Variants in FILIP1 observed in about 807,000 individuals in gnomAD.
FILIP1 encodes filamin-A-interacting protein 1.
In FILIP1, 61 loss-of-function variants were observed where a neutral mutation model predicts 102.1. The observed-to-expected ratio is 0.60, with a 90% CI of 0.49 to 0.74. FILIP1 has a LOEUF of 0.74. FILIP1 is among the 30% of genes least tolerant of loss of function. FILIP1 has a pLI of 0.00. For synonymous variants in FILIP1, 491 were observed against 526.9 expected, an observed-to-expected ratio of 0.93 and a Z score of 0.93; for missense variants, 1,314 against 1,441.2, an observed-to-expected ratio of 0.91 and a Z score of 1.43.
At chr6:75,427,743 G>A (rs537970347) in intron 1 of FILIP1, among the ~76,000 whole-genome samples, 40 of 152,150 alleles carry the variant, frequency 2.6e-4, no homozygotes, top group African/African-American at 8.9e-4. Context: ...TTCTGCTTTT[G>A]AAGAGGCCTC....
At chr6:75,483,886 G>C (rs148971089) in intron 1 of FILIP1, among the ~76,000 whole-genome samples, 1 of 152,112 alleles carries the variant, frequency 6.6e-6, no homozygotes, top group South Asian at 2.1e-4. Context: ...CTGGGGGCTG[G>C]GGGGAGATGA....
At chr6:75,321,950 G>A (rs1473040574) in intron 4 of FILIP1, among the ~76,000 whole-genome samples, 1 of 152,168 alleles carries the variant, frequency 6.6e-6, no homozygotes, top group Non-Finnish European at 1.5e-5. Flanking sequence ...TGTGCAGAGA[G>A]AGAAGAGGAG....
At chr6:75,364,018 GTCTT>G (rs1402538129) in intron 2 of FILIP1, among the ~76,000 whole-genome samples, 5 of 152,154 alleles carry the variant, frequency 3.3e-5, no homozygotes, top group African/African-American at 1.2e-4. Context: ...TATAAAGTTT[GTCTT>G]TCTTGAGGTT....
At chr6:75,408,104 G>C (rs552065532) in intron 2 of FILIP1, among the ~76,000 whole-genome samples, 1 of 152,160 alleles carries the variant, frequency 6.6e-6, no homozygotes, top group Non-Finnish European at 1.5e-5. Context: ...TTTAAACTGG[G>C]AAATATGTAA....
intron 6 of FILIP1, among the ~76,000 whole-genome samples, chr6:75,299,048 G>A (rs1162888862): frequency 4.6e-5 from 7 of 151,568 alleles, no homozygotes; most frequent in Admixed American, 4.6e-4. Context: ...TTAGTGCTTT[G>A]GGGATTAATG....
chr6:75,315,333 A>AAATT, intron 4 of FILIP1, 131 bp from the exon 5 acceptor site: 1 of 608,950 alleles, frequency 1.6e-6, no homozygotes, highest in Non-Finnish European at 2.6e-6. Flanking sequence ...ATGTTTAAAG[A>AAATT]ATAGCCATTA....
Position 75,312,860 on chromosome 6 carries a change from G to A in FILIP1, c.2972C>T (p.Thr991Ile), listed in dbSNP as rs377504805. Residue 991 changes from threonine (T) to isoleucine (I), a missense_variant, in exon 5 of 6, where the codon ACT becomes ATT. Thr to Ile is a moderately conservative substitution (Grantham distance 89, BLOSUM62 -1). This residue lies in a region of FILIP1 where 816 missense variants were observed against 913.1 expected (regional missense o/e 0.89). Transcript: ENST00000237172. ...AAATGCGCCTCTTCCACTTTCTGGA[G>A]TCTTCTCTCTGGAAAATGTAGTAAT... Reference protein sequence around the residue: ...VTITTFSREKTPESGRGAFAD... With the variant: ...VTITTFSREKIPESGRGAFAD... 8 of 1,614,184 alleles carry A rather than the reference G, an allele frequency of 5.0e-6. No individual in the cohort carries two copies. The highest frequency in any genetic ancestry group is 6.8e-6 in the Non-Finnish European group (8 of 1,180,044).
chr6:75,465,968 C>G (rs574535961), intron 1 of FILIP1, among the ~76,000 whole-genome samples: 1 of 152,160 alleles, frequency 6.6e-6, no homozygotes, highest in Admixed American at 6.6e-5. Flanking sequence ...CGCCAGCCAT[C>G]GCGCTGTTCC....
At chr6:75,368,594 G>C (rs1164193154) in intron 2 of FILIP1, among the ~76,000 whole-genome samples, 1 of 152,170 alleles carries the variant, frequency 6.6e-6, no homozygotes, top group Non-Finnish European at 1.5e-5. Flanking sequence ...CGCTTAACTT[G>C]AATCTGAGCT....
intron 2 of FILIP1, among the ~76,000 whole-genome samples, chr6:75,400,490 A>C (rs2149670749): frequency 6.6e-6 from 1 of 152,308 alleles, no homozygotes; most frequent in East Asian, 1.9e-4. Flanking sequence ...GTGAGGCTAT[A>C]GGTACCTGAA....
At chr6:75,347,666 G>T (rs973700427) in intron 4 of FILIP1, among the ~76,000 whole-genome samples, 1 of 143,650 alleles carries the variant, frequency 7.0e-6, no homozygotes, top group Admixed American at 7.1e-5. Flanking sequence ...TATTTCCAAA[G>T]ATCCCAGTCC....
intron 5 of FILIP1, among the ~76,000 whole-genome samples, chr6:75,311,284 G>A (rs1773174506): frequency 6.6e-6 from 1 of 151,866 alleles, no homozygotes; most frequent in African/African-American, 2.4e-5. Flanking sequence ...CTGGGTTCAG[G>A]TGATTCCTGT....
At chr6:75,447,639 G>A (rs1383588971) in intron 1 of FILIP1, among the ~76,000 whole-genome samples, 2 of 152,116 alleles carry the variant, frequency 1.3e-5, no homozygotes, top group African/African-American at 4.8e-5. Flanking sequence ...TAATGTTAAG[G>A]ACTGAAAGGT....
intron 1 of FILIP1, among the ~76,000 whole-genome samples, chr6:75,449,956 C>T (rs984258642): frequency 5.2e-4 from 79 of 152,182 alleles, no homozygotes; most frequent in African/African-American, 1.9e-3. Flanking sequence ...TTTTTAGAGA[C>T]AGGGTCTCAC....
At chr6:75,452,000 G>T (rs1295302619) in intron 1 of FILIP1, among the ~76,000 whole-genome samples, 1 of 151,716 alleles carries the variant, frequency 6.6e-6, no homozygotes, top group Non-Finnish European at 1.5e-5. Context: ...GTATAAAGAG[G>T]TTTAATATTT....
At chr6:75,349,846 G>A (rs1774728240) in intron 4 of FILIP1, among the ~76,000 whole-genome samples, 1 of 152,278 alleles carries the variant, frequency 6.6e-6, no homozygotes, top group South Asian at 2.1e-4. Context: ...CTTGGCTCGC[G>A]GGAAAGAAAG....
chr6:75,444,708 T>G (rs1157295458), intron 1 of FILIP1, among the ~76,000 whole-genome samples: 1 of 152,190 alleles, frequency 6.6e-6, no homozygotes, highest in Non-Finnish European at 1.5e-5. Flanking sequence ...AATGGACCTG[T>G]TCCAGTGTGT....
chr6:75,430,367 A>G (rs545842618), intron 1 of FILIP1, among the ~76,000 whole-genome samples: 1 of 152,336 alleles, frequency 6.6e-6, no homozygotes, highest in African/African-American at 2.4e-5. Context: ...CAGTTGATAA[A>G]TAAAAAAGTT....
intron 1 of FILIP1, among the ~76,000 whole-genome samples, chr6:75,451,460 C>T (rs941728284): frequency 2.8e-4 from 43 of 151,824 alleles, no homozygotes; most frequent in Admixed American, 1.3e-4. Context: ...ATATATTTAA[C>T]CTCATACATA....
Sources: gnomAD v4.1 joint callset for allele counts (sites outside exome capture counted in the v4.1 genomes callset) on GRCh38, gnomAD v4.1.1 for gene constraint, gnomAD v4.1.1 regional missense constraint, MANE v1.5 for transcripts, NCBI Gene and HGNC (gene_info 2026-07-23, HGNC 2026-07-21) for gene names.